Variants in PLEKHB2 observed in about 807,000 individuals in gnomAD.
The protein encoded by PLEKHB2 is pleckstrin homology domain containing B2, also known as pleckstrin homology domain-containing family B member 2.
Under a neutral mutation model 36.5 loss-of-function variants are expected in PLEKHB2, and 31 were observed. The observed-to-expected ratio is 0.85, with a 90% CI of 0.64 to 1.15. The LOEUF is 1.15. Among genes scored for constraint, PLEKHB2 ranks in the 50% most tolerant of loss-of-function variants. PLEKHB2 has a pLI of 0.00. For missense variants in PLEKHB2, 262 were observed against 295.3 expected (o/e 0.89, Z 0.83); for synonymous variants, 119 against 112.0 (o/e 1.06, Z -0.39).
chr2:131,142,038 A>G (rs1698839019), intron 7 of PLEKHB2, among the ~76,000 whole-genome samples: 1 of 152,158 alleles, frequency 6.6e-6, no homozygotes, highest in South Asian at 2.1e-4. Context: ...TCCACCATGG[A>G]TAGGATGCTA....
At chr2:131,132,399 T>A (rs1045174023) in intron 5 of PLEKHB2, among the ~76,000 whole-genome samples, 1 of 152,144 alleles carries the variant, frequency 6.6e-6, no homozygotes, top group Non-Finnish European at 1.5e-5. Context: ...CTCGAGCTCC[T>A]GGGCTCGAGT....
rs1016847122 is a variant in PLEKHB2 at position 131,114,418 on chromosome 2, A to G, written c.-8-6516A>G. The stretch of plus-strand genomic sequence containing the variant: ...GGATTACAGGCGTGAGCCATGGCCC[A>G]TCCCTGCCCTGGAGACATTTTGCCC... On this transcript the variant is annotated intron_variant, in intron 1 of 7. Coordinates refer to ENST00000693505, the MANE Select transcript of PLEKHB2 (RefSeq NM_001100623.2). 8.5e-4 allele frequency among the ~76,000 whole-genome samples: 129 copies of G among 152,172 alleles called. 3 individuals are homozygous for G. The highest frequency in any genetic ancestry group is 8.4e-3 in the Admixed American group (129 of 15,274).
Position 131,146,700 on chromosome 2 carries a change from G to C in PLEKHB2, c.596G>C (p.Ser199Thr). 1 of 1,614,080 alleles carries C rather than the reference G, an allele frequency of 6.2e-7. No homozygotes were observed. Among genetic ancestry groups the C allele is most frequent in the East Asian group, 2.2e-5 (1 of 44,884 alleles). The change falls in exon 8 of 8, where the codon AGC becomes ACC. Residue 199 changes from serine (S) to threonine (T), a missense_variant. Coordinates refer to ENST00000693505, the MANE Select transcript of PLEKHB2 (RefSeq NM_001100623.2). ...IIRERYRDND[S>T]DLALGMLAGA... ...CGAGAGCGCTATCGAGACAACGACA[G>C]CGACCTGGCACTGGGCATGCTGGCA...
intron 1 of PLEKHB2, among the ~76,000 whole-genome samples, chr2:131,114,580 GCTT>G (rs1243048176): frequency 2.0e-5 from 3 of 152,136 alleles, no homozygotes; most frequent in Non-Finnish European, 4.4e-5. Flanking sequence ...TTTATGCTCT[GCTT>G]CTTCTTGAAG....
At chr2:131,118,725 G>A (rs549113379) in intron 1 of PLEKHB2, among the ~76,000 whole-genome samples, 3 of 151,570 alleles carry the variant, frequency 2.0e-5, no homozygotes, top group African/African-American at 4.8e-5. Context: ...AAAATTAGCC[G>A]GGCGTGGTGG....
At chr2:131,113,718 G>C (rs1573529520) in intron 1 of PLEKHB2, among the ~76,000 whole-genome samples, 1 of 152,166 alleles carries the variant, frequency 6.6e-6, no homozygotes, top group South Asian at 2.1e-4. Flanking sequence ...AAGTAAGGAA[G>C]AAGATGGAGA....
Position 131,126,045 on chromosome 2 carries a change from G to A in PLEKHB2, c.190+140G>A, listed in dbSNP as rs144435433. The A allele has an allele frequency of 1.8e-4, 129 of 724,096 alleles. 1 individual carries two copies. In the African/African-American group the frequency reaches 1.8e-3, roughly 10 times the overall value. The allele number at this position is 724,096 out of a possible 1,614,324, so 44.9% of individuals were successfully genotyped here. On this transcript the variant is annotated intron_variant, in intron 3 of 7. Coordinates refer to ENST00000693505, the MANE Select transcript of PLEKHB2 (RefSeq NM_001100623.2). ...ATCTCAGAGGGGCGACCACAGTGGG[G>A]CCCCAGGCACTTAGATTATGAACCA... is the stretch of plus-strand genomic sequence containing the variant.
Position 131,146,952 on chromosome 2 carries a change from G to A in PLEKHB2, c.*179G>A, listed in dbSNP as rs562204270. On this transcript the variant is annotated 3_prime_UTR_variant, in exon 8 of 8. Coordinates refer to ENST00000693505, the MANE Select transcript of PLEKHB2 (RefSeq NM_001100623.2). ...TACCACAGAGAAGGGTTTGAACTGT[G>A]CTATTTTGTTCAAATGTTGACTCTC... The A allele has an allele frequency of 2.0e-6, 1 of 499,562 alleles. No homozygotes were observed. The highest frequency in any genetic ancestry group is 2.0e-5 in the African/African-American group (1 of 51,030). The allele number at this position is 499,562 out of a possible 1,614,324, so 30.9% of individuals were successfully genotyped here.
chr2:131,121,094 C>G, intron 2 of PLEKHB2, 116 bp downstream of exon 2: 2 of 893,870 alleles, frequency 2.2e-6, no homozygotes, highest in Non-Finnish European at 3.5e-6. Context: ...AGTGCTATGG[C>G]CTTGAGTTTC....
intron 2 of PLEKHB2, 107 bp from the exon 3 acceptor site, chr2:131,125,646 A>G: frequency 1.1e-6 from 1 of 870,516 alleles, no homozygotes; most frequent in Non-Finnish European, 1.7e-6. Flanking sequence ...TCAAGGCTGC[A>G]GTGACCTATG....
rs1573655496 is a variant in PLEKHB2, at chr2:131,149,287, C to T, written c.*2514C>T. ...GATGTCTTTTGTTTACAGTGCTACA[C>T]TTAGTGTGAGTCAAGAAGTGCTTGA... On this transcript the variant is annotated 3_prime_UTR_variant, in exon 8 of 8. Transcript: ENST00000693505. The T allele has an allele frequency of 1.3e-5, 2 of 152,242 alleles. No individual in the cohort carries two copies. The highest frequency in any genetic ancestry group is 3.8e-4 in the East Asian group (2 of 5,202). 9.4% of individuals were successfully genotyped at this position (152,242 alleles called of 1,614,324 possible).
At chr2:131,131,110 T>A (rs1186648589) in intron 5 of PLEKHB2, among the ~76,000 whole-genome samples, 1 of 152,220 alleles carries the variant, frequency 6.6e-6, no homozygotes, top group Non-Finnish European at 1.5e-5. Flanking sequence ...TTTCACATGG[T>A]CTTGTGTAAC....
intron 2 of PLEKHB2, among the ~76,000 whole-genome samples, chr2:131,124,783 G>A (rs1696928844): frequency 1.3e-5 from 2 of 151,626 alleles, no homozygotes; most frequent in South Asian, 4.2e-4. Flanking sequence ...AAAAAAACGT[G>A]TTTTTTCTTT....
chr2:131,141,639 CAAAAA>C (rs771541896), intron 7 of PLEKHB2, among the ~76,000 whole-genome samples: 1 of 57,124 alleles, frequency 1.8e-5, no homozygotes, highest in Non-Finnish European at 4.3e-5. Flanking sequence ...GACTCCGTCT[CAAAAA>C]AAAAAAAAAA....
At chr2:131,111,358 GTCT>G (rs1168540685) in intron 1 of PLEKHB2, among the ~76,000 whole-genome samples, 2,418 of 141,418 alleles carry the variant, frequency 0.017, 60 homozygotes, top group African/African-American at 0.057. Flanking sequence ...CCATCTCTTG[GTCT>G]TTTTTTTTTT....
chr2:131,114,361 T>C (rs1695642147), intron 1 of PLEKHB2, among the ~76,000 whole-genome samples: 1 of 152,188 alleles, frequency 6.6e-6, no homozygotes, highest in Admixed American at 6.6e-5. Context: ...CCTGACCTCG[T>C]GATCCACCCT....
intron 1 of PLEKHB2, among the ~76,000 whole-genome samples, chr2:131,106,926 G>A (rs1195912600): frequency 6.6e-6 from 1 of 152,160 alleles, no homozygotes; most frequent in Non-Finnish European, 1.5e-5. Context: ...TTTTAAAGGC[G>A]GTGGTACATT....
At chr2:131,112,831 TG>T (rs1251992373) in intron 1 of PLEKHB2, among the ~76,000 whole-genome samples, 1 of 152,202 alleles carries the variant, frequency 6.6e-6, no homozygotes, top group Non-Finnish European at 1.5e-5. Flanking sequence ...TGAGCGTGGC[TG>T]GGGCTGTGGT....
In PLEKHB2 at chr2:131,149,539, T is replaced by G. The variant is rs1406576807; in HGVS notation, c.*2766T>G. On this transcript the variant is annotated 3_prime_UTR_variant, in exon 8 of 8. Transcript: ENST00000693505. ...TGAACAAGGCCAGACTTTGCCCATT[T>G]TAGGCTATCCAGGACTTAAGGTAGC... 1 of 152,250 alleles carries G rather than the reference T, an allele frequency of 6.6e-6. No homozygotes were observed. The highest frequency in any genetic ancestry group is 1.9e-4 in the East Asian group (1 of 5,198). The allele number at this position is 152,250 out of a possible 1,614,324, so 9.4% of individuals were successfully genotyped here. A position where few individuals can be genotyped will look rare whatever the true frequency, so the allele number is the denominator to read the frequency against.
Sources: gnomAD v4.1 joint callset for allele counts (sites outside exome capture counted in the v4.1 genomes callset) on GRCh38, gnomAD v4.1.1 for gene constraint, MANE v1.5 for transcripts, NCBI Gene and HGNC (gene_info 2026-07-23, HGNC 2026-07-21) for gene names.